Variants in ALG13 observed in about 807,000 individuals in gnomAD.
ALG13 encodes UDP-N-acetylglucosamine transferase subunit ALG13.
A neutral mutation model predicts 87.8 loss-of-function variants in ALG13; 11 were observed. The ratio of observed to expected loss-of-function variants is 0.13; its 90% CI spans 0.08 to 0.21. The LOEUF is 0.21. Ranked by LOEUF, ALG13 falls within the 10% of genes least tolerant of loss-of-function variation. The pLI, the probability that ALG13 is intolerant of heterozygous loss-of-function variation, is 1.00. For synonymous variants in ALG13, 320 were observed against 306.3 expected (o/e 1.04, Z -0.47); for missense variants, 756 against 866.1 (o/e 0.87, Z 1.60).
chrX:111,721,625 T>C lies in ALG13; in HGVS notation c.1349T>C (p.Met450Thr), dbSNP rs1057523457. Residue 450 changes from methionine to threonine, a missense_variant, in exon 12 of 27, where the codon ATG becomes ACG. Met to Thr is a moderately conservative substitution (Grantham distance 81). This residue lies in a region of ALG13 where 3 missense variants were observed against 26.1 expected (regional missense o/e 0.11). Coordinates refer to ENST00000394780, the MANE Select transcript of ALG13 (RefSeq NM_001099922.3). The stretch of plus-strand genomic sequence containing the variant: ...TAGTCTCCAGAAAATCCATCAAAGA[T>C]GCCCTTCCCCTATAAGGTGCTCAAA... ...ETKSPENPSK[M>T]PFPYKVLKAL... is the part of the protein sequence containing the mutation. 1.7e-6 allele frequency: 2 copies of C among 1,193,977 alleles called. No individual in the cohort carries two copies. The highest frequency in any genetic ancestry group is 4.4e-5 in the Admixed American group (2 of 45,598).
chrX:111,681,946 T>G, intron 1 of ALG13, 186 bp from the exon 2 acceptor site: 1 of 877,198 alleles, frequency 1.1e-6, no homozygotes, highest in East Asian at 3.8e-5. Flanking sequence ...TCATGAGTGC[T>G]TGGGAGGTTC....
chrX:111,758,984 A>T (rs1945509969), intron 26 of ALG13, among the ~76,000 whole-genome samples: 1 of 109,825 alleles, frequency 9.1e-6, no homozygotes, highest in Admixed American at 9.8e-5. Context: ...AGGAATACTA[A>T]TTTCTCTCTT....
At chrX:111,750,178 C>T (rs918527567) in intron 24 of ALG13, among the ~76,000 whole-genome samples, 2 of 111,364 alleles carry the variant, frequency 1.8e-5, no homozygotes, top group Admixed American at 9.6e-5. Flanking sequence ...CATTCACTTC[C>T]ATCTAAGTTC....
At chrX:111,694,570 A>T (rs1936692630) in intron 3 of ALG13, among the ~76,000 whole-genome samples, 1 of 112,243 alleles carries the variant, frequency 8.9e-6, no homozygotes, top group African/African-American at 3.2e-5. Flanking sequence ...CTGGTGAAGA[A>T]ATCCAGTAAG....
intron 3 of ALG13, chrX:111,688,125 A>G: frequency 1.2e-6 from 1 of 854,658 alleles, no homozygotes; most frequent in Non-Finnish European, 1.4e-6. Flanking sequence ...CTACATCTAT[A>G]GAATGTATAG....
Position 111,741,509 on chromosome X carries a change from T to C in ALG13, c.2696-3159T>C, listed in dbSNP as rs1026676303. On this transcript the variant is annotated intron_variant, in intron 23 of 26. Coordinates refer to ENST00000394780, the MANE Select transcript of ALG13 (RefSeq NM_001099922.3). ...ATTTGATTTGTTTGCTGTATCTGTT[T>C]TATTTATAAAAAGATAAAGTGAGCA... Among the ~76,000 whole-genome samples, 10 of 112,171 alleles carry C rather than the reference T, an allele frequency of 8.9e-5. No individual in the cohort carries two copies. In the Admixed American group the frequency reaches 9.4e-4, roughly 11 times the overall value.
chrX:111,732,206 C>T (rs1440773092), intron 21 of ALG13, among the ~76,000 whole-genome samples: 1 of 111,624 alleles, frequency 9.0e-6, no homozygotes, highest in African/African-American at 3.3e-5. Context: ...TATCAAAGCA[C>T]AATACTAACA....
intron 26 of ALG13, among the ~76,000 whole-genome samples, chrX:111,759,063 A>G (rs1945519151): frequency 9.1e-6 from 1 of 109,301 alleles, no homozygotes; most frequent in Non-Finnish European, 1.9e-5. Context: ...TATACCTTTT[A>G]TAGAGCTATT....
intron 24 of ALG13, 57 bp from the exon 25 acceptor site, chrX:111,752,733 A>T: frequency 1.1e-6 from 1 of 922,387 alleles, no homozygotes; most frequent in Non-Finnish European, 1.5e-6. Context: ...CTTTTAAAAG[A>T]TAATTCTAAT....
At chrX:111,718,064 A>G (rs779567318) in intron 9 of ALG13, 48 bp from the exon 10 acceptor site, 3 of 1,119,667 alleles carry the variant, frequency 2.7e-6, no homozygotes, top group Non-Finnish European at 2.4e-6. Context: ...CACATAGTTA[A>G]TATAAATCTT....
chrX:111,749,501 C>CAA (rs758779872), intron 24 of ALG13, among the ~76,000 whole-genome samples: 1 of 82,470 alleles, frequency 1.2e-5, no homozygotes, highest in Non-Finnish European at 2.4e-5. Context: ...CAAATTTTAC[C>CAA]AAAAAAAAAA....
At chrX:111,707,879 C>A in intron 3 of ALG13, 148 bp from the exon 4 acceptor site, 4 of 644,369 alleles carry the variant, frequency 6.2e-6, no homozygotes, top group Non-Finnish European at 9.0e-6. Context: ...ATACTTTTCT[C>A]AACCTTGGTC....
chrX:111,689,260 T>C (rs1935687954), intron 3 of ALG13: 1 of 748,085 alleles, frequency 1.3e-6, no homozygotes, highest in African/African-American at 2.3e-5. Context: ...TGTTATGTTT[T>C]AGGAAAGGTC....
intron 10 of ALG13, among the ~76,000 whole-genome samples, chrX:111,718,557 A>G (rs1940952848): frequency 8.9e-6 from 1 of 111,872 alleles, no homozygotes; most frequent in Non-Finnish European, 1.9e-5. Context: ...TAAGAATTAT[A>G]GTGCTTGTTA....
rs1942172092 is a variant in ALG13, at chrX:111,727,281, C to T, written c.1977-51C>T. 8 of 998,030 alleles carry T rather than the reference C, an allele frequency of 8.0e-6. No homozygotes were observed. The South Asian group carries it at 1.4e-4, about 18-fold the overall frequency. 82.2% of individuals were successfully genotyped at this position (998,030 alleles called of 1,213,427 possible). On this transcript the variant is annotated intron_variant, in intron 16 of 26. Transcript: ENST00000394780. ...TCTATTTAACTACAGAGACTGACTA[C>T]TTAGGTATTAGTGAATAGAGAGTTC...
At chrX:111,746,911 A>G (rs747764711) in intron 24 of ALG13, among the ~76,000 whole-genome samples, 76 of 111,691 alleles carry the variant, frequency 6.8e-4, no homozygotes, top group Non-Finnish European at 1.2e-3. Flanking sequence ...TCTATTTTAT[A>G]GAGCAGTTTT....
Position 111,744,768 on chromosome X carries a change from ACCTCCTCCTCCTCCTCCTCCT to A in ALG13, c.2815_2835del (p.Pro939_Pro945del). ...CACCACCACCACCACCACCACCACC[ACCTCCTCCTCCTCCTCCTCCT>A]CCTCCTCCTCCTCCTCCTGCTCTTG... On this transcript the variant is annotated inframe_deletion, in exon 24 of 27. Coordinates refer to ENST00000394780, the MANE Select transcript of ALG13 (RefSeq NM_001099922.3). 1 of 595,233 alleles carries A rather than the reference ACCTCCTCCTCCTCCTCCTCCT, an allele frequency of 1.7e-6. No homozygotes were observed. Among genetic ancestry groups the A allele is most frequent in the Non-Finnish European group, 2.2e-6 (1 of 453,471 alleles). 49.1% of individuals were successfully genotyped at this position (595,233 alleles called of 1,213,427 possible).
intron 3 of ALG13, 38 bp from the exon 4 acceptor site, chrX:111,707,989 A>G (rs781414945): frequency 4.5e-5 from 53 of 1,169,016 alleles, no homozygotes; most frequent in African/African-American, 7.2e-5. Flanking sequence ...TGAGTTCCCT[A>G]TTCCTAGGAG....
intron 25 of ALG13, among the ~76,000 whole-genome samples, chrX:111,753,693 G>A (rs905909717): frequency 9.0e-6 from 1 of 111,550 alleles, no homozygotes; most frequent in Admixed American, 9.5e-5. Flanking sequence ...ATAAATTCCT[G>A]GACACACACA....
Sources: allele counts gnomAD v4.1 joint callset (sites outside exome capture counted in the v4.1 genomes callset), GRCh38; gene constraint gnomAD v4.1.1; regional missense constraint gnomAD v4.1.1; transcripts MANE v1.5; gene names NCBI Gene and HGNC (gene_info 2026-07-23, HGNC 2026-07-21).